Variants in DHRS2 observed in about 807,000 individuals in gnomAD.
DHRS2 encodes dehydrogenase/reductase SDR family member 2, mitochondrial.
Under a neutral mutation model 26.3 loss-of-function variants are expected in DHRS2, and 29 were observed. The ratio of observed to expected loss-of-function variants is 1.10; its 90% CI spans 0.82 to 1.50. The LOEUF (loss-of-function observed/expected upper bound fraction) is 1.50, where lower values mean the gene tolerates loss of function less well. DHRS2 is among the 40% of genes most tolerant of loss of function. The pLI, the probability that DHRS2 is intolerant of heterozygous loss-of-function variation, is 0.00. For synonymous variants in DHRS2, 164 were observed against 151.3 expected (o/e 1.08, Z -0.62); for missense variants, 439 against 367.1 (o/e 1.20, Z -1.60).
At chr14:23,633,989 T>C (rs963934399), upstream of DHRS2, among the ~76,000 whole-genome samples, 2 of 151,334 alleles carry the variant, frequency 1.3e-5, no homozygotes, top group African/African-American at 4.9e-5. Flanking sequence ...TTCATGGACA[T>C]CATGTAGGCA....
At chr14:23,635,166 A>G (rs1464277446), upstream of DHRS2, among the ~76,000 whole-genome samples, 1 of 152,046 alleles carries the variant, frequency 6.6e-6, no homozygotes, top group Non-Finnish European at 1.5e-5. Flanking sequence ...GGGCTCAAGC[A>G]ATCGTCCCAT....
chr14:23,645,540 G>C lies in DHRS2; in HGVS notation c.*287G>C, dbSNP rs1374103416. On this transcript the variant is annotated 3_prime_UTR_variant, in exon 9 of 9. Coordinates refer to ENST00000250383, the MANE Select transcript of DHRS2 (RefSeq NM_005794.4). ...TGCTTTGGAGGAATCTTAAGGGAAA[G>C]GAGTAGAAGCTCAGGCCTTTGAAGG... The C allele has an allele frequency of 1.9e-6, 1 of 513,514 alleles. No homozygotes were observed. The highest frequency in any genetic ancestry group is 3.4e-6 in the Non-Finnish European group (1 of 293,928). 31.8% of individuals were successfully genotyped at this position (513,514 alleles called of 1,614,324 possible).
At position 23,639,908 on chromosome 14, in the gene DHRS2, C is replaced by A. The variant is rs761251308; in HGVS notation, c.420+13C>A. ...GATCTGGGACAAGGTGAGAGGCCTC[C>A]CCTGGGGAGGCGGCTGAGGGCCCGA... On this transcript the variant is annotated intron_variant, in intron 4 of 8. Coordinates refer to ENST00000250383, the MANE Select transcript of DHRS2 (RefSeq NM_005794.4). 6.4e-7 allele frequency: 1 copy of A among 1,567,466 alleles called. No individual in the cohort carries two copies. The highest frequency in any genetic ancestry group is 1.9e-5 in the Admixed American group (1 of 52,522).
chr14:23,645,455 C>A lies in DHRS2; in HGVS notation c.*202C>A. 9.3e-7 allele frequency: 1 copy of A among 1,080,290 alleles called. No homozygotes were observed. The highest frequency in any genetic ancestry group is 1.3e-6 in the Non-Finnish European group (1 of 771,132). The allele number at this position is 1,080,290 out of a possible 1,614,324, so 66.9% of individuals were successfully genotyped here. ...TATCTGCTTGTAGATTTGGCTGATC[C>A]AATTAACATGTGGGGTTCTTGGTGT... is the stretch of plus-strand genomic sequence containing the variant. On this transcript the variant is annotated 3_prime_UTR_variant, in exon 9 of 9. Coordinates refer to ENST00000250383, the MANE Select transcript of DHRS2 (RefSeq NM_005794.4).
At chr14:23,644,194 T>A (rs775340407) in intron 6 of DHRS2, 32 bp downstream of exon 6, 1 of 1,612,634 alleles carries the variant, frequency 6.2e-7, no homozygotes, top group Non-Finnish European at 8.5e-7. Flanking sequence ...TCCTGAGTGG[T>A]ATAGGGTGAG....
upstream of DHRS2, among the ~76,000 whole-genome samples, chr14:23,632,114 C>T (rs1406035341): frequency 6.6e-6 from 1 of 152,112 alleles, no homozygotes; most frequent in Non-Finnish European, 1.5e-5. Context: ...TTACTCTAGC[C>T]TTCCAGCAGG....
chr14:23,643,019 G>T, intron 4 of DHRS2, 133 bp from the exon 5 acceptor site: 1 of 822,864 alleles, frequency 1.2e-6, no homozygotes. Flanking sequence ...CAGTCAGAAG[G>T]GGGATTGGTT....
At chr14:23,644,745 G>A (rs993396657) in intron 7 of DHRS2, 82 bp from the exon 8 acceptor site, 1 of 1,532,326 alleles carries the variant, frequency 6.5e-7, no homozygotes, top group Non-Finnish European at 9.0e-7. Flanking sequence ...GCTGCCCTAG[G>A]TGTTCTGCCT....
intron 3 of DHRS2, 93 bp downstream of exon 3, chr14:23,639,449 T>C (rs1890531864): frequency 2.8e-6 from 4 of 1,430,982 alleles, no homozygotes; most frequent in South Asian, 1.5e-5. Context: ...CTAGAATATG[T>C]CCTGAGACCA....
At position 23,639,101 on chromosome 14, in the gene DHRS2, C is replaced by A; in HGVS notation, c.141-78C>A. ...TTAAAGCAAGACCCAGCCTTATTTG[C>A]TGATTTCCAGAGCTGGGTAGAGGAA... On this transcript the variant is annotated intron_variant, in intron 2 of 8. Transcript: ENST00000250383. The A allele has an allele frequency of 1.9e-6, 3 of 1,592,126 alleles. No homozygotes were observed. In the South Asian group the frequency reaches 3.4e-5, roughly 18 times the overall value.
chr14:23,640,202 A>C, intron 4 of DHRS2: 23 of 942,274 alleles, frequency 2.4e-5, no homozygotes, highest in Non-Finnish European at 2.8e-5. Context: ...GGCTCTAGGG[A>C]TACAGCTGTG....
chr14:23,632,258 G>T (rs747922275), upstream of DHRS2, among the ~76,000 whole-genome samples: 32 of 152,152 alleles, frequency 2.1e-4, no homozygotes, highest in South Asian at 6.2e-4. Flanking sequence ...CCCCAGGGGG[G>T]GCATAACAAT....
upstream of DHRS2, among the ~76,000 whole-genome samples, chr14:23,631,548 A>ACCCCC (rs199914931): frequency 2.4e-4 from 36 of 147,212 alleles, no homozygotes; most frequent in African/African-American, 8.5e-4. Context: ...TTCTTCCTCT[A>ACCCCC]CCCCCCCCAC....
At chr14:23,642,789 A>C (rs547597623) in intron 4 of DHRS2, 7 of 205,400 alleles carry the variant, frequency 3.4e-5, no homozygotes, top group Non-Finnish European at 7.0e-5. Flanking sequence ...GCTGGTCTTG[A>C]ACTTTTGGCC....
chr14:23,639,926 G>C (rs1232555367), intron 4 of DHRS2, 31 bp downstream of exon 4: 5 of 1,527,652 alleles, frequency 3.3e-6, no homozygotes, highest in Non-Finnish European at 4.4e-6. Context: ...AGGCGGCTGA[G>C]GGCCCGATTC....
At chr14:23,637,776 G>T (rs1890399618) in intron 1 of DHRS2, among the ~76,000 whole-genome samples, 1 of 152,176 alleles carries the variant, frequency 6.6e-6, no homozygotes, top group African/African-American at 2.4e-5. Context: ...GATTGTAAAT[G>T]CACCAATCAG....
Position 23,645,148 on chromosome 14 carries a change from G to T in DHRS2, c.738G>T (p.Gly246=). The part of the protein sequence containing the change: ...FKEHHQLQRI[G]ESEDCAGIVS... ...GTGTCCTTCTTCCATCCAGGATTGG[G>T]GAGTCAGAGGACTGTGCAGGAATCG... The change falls in exon 9 of 9, where the codon GGG becomes GGT. Residue 246 remains glycine, a synonymous_variant. Transcript: ENST00000250383. The T allele has an allele frequency of 6.2e-7, 1 of 1,614,066 alleles. No individual in the cohort carries two copies. The highest frequency in any genetic ancestry group is 8.5e-7 in the Non-Finnish European group (1 of 1,179,956).
At chr14:23,636,228 C>A (rs2138364039), upstream of DHRS2, 1 of 152,228 alleles carries the variant, frequency 6.6e-6, no homozygotes, top group East Asian at 1.9e-4. Context: ...TCAAAACGGA[C>A]CAATCAGCTC....
In DHRS2 at chr14:23,639,808, TG is replaced by T; in HGVS notation, c.338del (p.Gly113AlafsTer15). ...QLVAKALEHC[G>X]GVDFLVCSAG... ...CCTCTCCGCAGGCCCTGGAGCACTG[TG>T]GGGGCGTCGACTTCCTGGTGTGCAG... On this transcript the variant is annotated frameshift_variant, in exon 4 of 9. Transcript: ENST00000250383. LOFTEE classifies it high-confidence loss of function. The T allele has an allele frequency of 1.2e-6, 2 of 1,609,366 alleles. No individual in the cohort carries two copies. The highest frequency in any genetic ancestry group is 1.7e-6 in the Non-Finnish European group (2 of 1,177,562).
Sources: gnomAD v4.1 joint callset for allele counts (sites outside exome capture counted in the v4.1 genomes callset) on GRCh38, gnomAD v4.1.1 for gene constraint, MANE v1.5 for transcripts, NCBI Gene and HGNC (gene_info 2026-07-23, HGNC 2026-07-21) for gene names.